MYLK3: variants seen among roughly 807,000 people sequenced by gnomAD.
The protein encoded by MYLK3 is myosin light chain kinase 3, also known as MLC kinase.
In MYLK3, 55 loss-of-function variants were observed where a neutral mutation model predicts 76.3. That is an observed-to-expected ratio of 0.72 (90% CI 0.58 to 0.90). The LOEUF (loss-of-function observed/expected upper bound fraction) is 0.90. Among genes scored for constraint, MYLK3 ranks in the 40% least tolerant of loss-of-function variants. The pLI is 0.00. For synonymous variants in MYLK3, 416 were observed against 425.4 expected (o/e 0.98, Z 0.27); for missense variants, 973 against 1,053.6 (o/e 0.92, Z 1.06).
chr16:46,736,065 T>C (rs745659574), intron 3 of MYLK3, among the ~76,000 whole-genome samples: 1 of 152,162 alleles, frequency 6.6e-6, no homozygotes, highest in Non-Finnish European at 1.5e-5. Flanking sequence ...TGGAGTGCAA[T>C]GGTGTGATCA....
intron 1 of MYLK3, among the ~76,000 whole-genome samples, chr16:46,760,850 G>C (rs567436423): frequency 1.3e-5 from 2 of 152,300 alleles, no homozygotes; most frequent in African/African-American, 4.8e-5. Context: ...AGCAGGGTCT[G>C]AGGTCTGGGG....
intron 8 of MYLK3, among the ~76,000 whole-genome samples, chr16:46,724,092 TGTATG>T (rs1483755689): frequency 6.6e-6 from 1 of 152,256 alleles, no homozygotes; most frequent in African/African-American, 2.4e-5. Context: ...TAGTGGCAAT[TGTATG>T]TTTTCATTGG....
intron 9 of MYLK3, among the ~76,000 whole-genome samples, chr16:46,716,370 T>A (rs1567281894): frequency 6.6e-6 from 1 of 151,740 alleles, no homozygotes; most frequent in Non-Finnish European, 1.5e-5. Context: ...CATATATATA[T>A]ATGTATATGT....
At chr16:46,722,824 C>T (rs529139723) in intron 8 of MYLK3, among the ~76,000 whole-genome samples, 26 of 152,316 alleles carry the variant, frequency 1.7e-4, no homozygotes, top group African/African-American at 5.8e-4. Context: ...ATTCTCCTGC[C>T]TCAGCCTCCC....
chr16:46,763,155 A>C, exon 1 of MYLK3: 2 of 984,512 alleles, frequency 2.0e-6, no homozygotes, highest in Non-Finnish European at 2.4e-6. Flanking sequence ...TTAAACCTGG[A>C]GGCAGTTAAG....
chr16:46,737,556 C>G (rs920961819), intron 3 of MYLK3, among the ~76,000 whole-genome samples, 155 bp downstream of exon 3: 1 of 152,250 alleles, frequency 6.6e-6, no homozygotes, highest in Non-Finnish European at 1.5e-5. Flanking sequence ...CACTGGTACT[C>G]TAAGCTCCCA....
intron 12 of MYLK3, among the ~76,000 whole-genome samples, chr16:46,708,441 A>AT (rs1966649488): frequency 6.6e-6 from 1 of 152,140 alleles, no homozygotes; most frequent in Non-Finnish European, 1.5e-5. Context: ...ATATTCTGTT[A>AT]GAGAAAATGT....
chr16:46,722,638 A>C (rs1966810563), intron 8 of MYLK3, among the ~76,000 whole-genome samples: 1 of 152,152 alleles, frequency 6.6e-6, no homozygotes, highest in African/African-American at 2.4e-5. Flanking sequence ...GGTCAAAAGA[A>C]ACAGGTGAAC....
At chr16:46,758,747 G>A (rs1967238657) in intron 1 of MYLK3, among the ~76,000 whole-genome samples, 1 of 152,318 alleles carries the variant, frequency 6.6e-6, no homozygotes, top group Admixed American at 6.5e-5. Flanking sequence ...AGCAAAGACA[G>A]GGCCAGATGG....
In MYLK3 at chr16:46,707,479, A is replaced by T; in HGVS notation, c.*225T>A. The T allele has an allele frequency of 2.0e-6, 1 of 498,648 alleles. No individual in the cohort carries two copies. Among genetic ancestry groups the T allele is most frequent in the East Asian group, 3.2e-5 (1 of 30,822 alleles). The allele number at this position is 498,648 out of a possible 1,614,324, so 30.9% of individuals were successfully genotyped here. A position where few individuals can be genotyped will look rare whatever the true frequency, so the allele number is the denominator to read the frequency against. ...GTAGGTATATTTGAAAGGTACTCAGAGCATTTCACACGTAGTGATCTTACA... is the reference window on the plus strand; with the variant it reads ...GTAGGTATATTTGAAAGGTACTCAGTGCATTTCACACGTAGTGATCTTACA... On this transcript the variant is annotated 3_prime_UTR_variant, in exon 13 of 13. Transcript: ENST00000394809.
rs2143017278 is a variant in MYLK3, at chr16:46,748,233, G to A, written c.-40C>T. On this transcript the variant is annotated 5_prime_UTR_variant, in exon 1 of 13. Transcript: ENST00000394809. This position sits in a 1 kb window ranked among gnomAD's most constrained non-coding sequence, Gnocchi z 4.3. ...GACAAGGGCAAGAGCGGGGAATGAG[G>A]AGAGGCACAGACCCCTGGTTCTCAC... is the stretch of plus-strand genomic sequence containing the variant. 3.8e-6 allele frequency: 6 copies of A among 1,578,282 alleles called. No individual in the cohort carries two copies. Among genetic ancestry groups the A allele is most frequent in the Non-Finnish European group, 5.2e-6 (6 of 1,161,734 alleles).
At chr16:46,739,389 C>T (rs1029309076) in intron 2 of MYLK3, among the ~76,000 whole-genome samples, 1 of 152,016 alleles carries the variant, frequency 6.6e-6, no homozygotes, top group East Asian at 1.9e-4. Flanking sequence ...GAAAGTAATC[C>T]ATAAACATTT....
chr16:46,708,417 T>C (rs1966649315), intron 12 of MYLK3, among the ~76,000 whole-genome samples: 1 of 152,056 alleles, frequency 6.6e-6, no homozygotes, highest in African/African-American at 2.4e-5. Flanking sequence ...GAATAGAAAA[T>C]ATCAGAATAC....
rs1966629448 is a variant in MYLK3, at chr16:46,706,639, A to G, written c.*1065T>C. 6.6e-6 allele frequency: 1 copy of G among 152,206 alleles called. No individual in the cohort carries two copies. The highest frequency in any genetic ancestry group is 2.4e-5 in the African/African-American group (1 of 41,436). 9.4% of individuals were successfully genotyped at this position (152,206 alleles called of 1,614,324 possible). A position where few individuals can be genotyped will look rare whatever the true frequency, so the allele number is the denominator to read the frequency against. On this transcript the variant is annotated 3_prime_UTR_variant, in exon 13 of 13. Coordinates refer to ENST00000394809, the MANE Select transcript of MYLK3 (RefSeq NM_182493.3). ...TAAAGTAAGCTAGAGAAAAGTTACT[A>G]AAATCATAAGGAGGAAAACATATGT...
Position 46,702,401 on chromosome 16 carries a change from A to G in MYLK3, c.*5303T>C, listed in dbSNP as rs984867562. On this transcript the variant is annotated 3_prime_UTR_variant, in exon 13 of 13. Transcript: ENST00000394809. Reference sequence around the variant, plus strand: ...AATGAAACCCATACACATCACCTAGACCCAAGTTATTAGATGTTGCCATAC... The same window carrying G: ...AATGAAACCCATACACATCACCTAGGCCCAAGTTATTAGATGTTGCCATAC... Among the ~76,000 whole-genome samples, 6 of 152,190 alleles carry G rather than the reference A, an allele frequency of 3.9e-5. No homozygotes were observed. Among genetic ancestry groups the G allele is most frequent in the Non-Finnish European group, 8.8e-5 (6 of 68,032 alleles).
upstream of MYLK3, among the ~76,000 whole-genome samples, chr16:46,750,301 G>C (rs1967105745): frequency 1.3e-5 from 2 of 152,190 alleles, no homozygotes; most frequent in African/African-American, 4.8e-5. Flanking sequence ...ATTCCCACCA[G>C]ACAAGAGAGG....
chr16:46,722,312 A>G (rs995364065), intron 8 of MYLK3, among the ~76,000 whole-genome samples: 1 of 152,168 alleles, frequency 6.6e-6, no homozygotes, highest in African/African-American at 2.4e-5. Flanking sequence ...TGAAGACTCA[A>G]TGTCTCCATA....
intron 1 of MYLK3, chr16:46,757,682 A>G: frequency 1.1e-5 from 10 of 882,558 alleles, no homozygotes; most frequent in Non-Finnish European, 1.4e-5. Context: ...GACCCTGTCC[A>G]GGCCCCAGCG....
At chr16:46,749,863 G>A (rs1156326870), upstream of MYLK3, among the ~76,000 whole-genome samples, 2 of 152,288 alleles carry the variant, frequency 1.3e-5, no homozygotes, top group Admixed American at 6.5e-5. Context: ...CTTCTATCCC[G>A]ATAGTTGCCC....
Sources: gnomAD v4.1 joint callset for allele counts (sites outside exome capture counted in the v4.1 genomes callset) on GRCh38, gnomAD v4.1.1 for gene constraint, Gnocchi (gnomAD v3.1) non-coding constraint, MANE v1.5 for transcripts, NCBI Gene and HGNC (gene_info 2026-07-23, HGNC 2026-07-21) for gene names.